The following ACAD10 variants were observed in gnomAD, a reference collection of about 807,000 sequenced individuals.
ACAD10 encodes acyl-CoA dehydrogenase family member 10.
ACAD10 carries 112 observed loss-of-function variants against 116.8 expected under a neutral mutation model. The ratio of observed to expected loss-of-function variants is 0.96; its 90% CI spans 0.82 to 1.12. The LOEUF is 1.12. Among genes scored for constraint, ACAD10 ranks in the 50% most tolerant of loss-of-function variants. ACAD10 has a pLI of 0.00. For missense variants in ACAD10, 1,259 were observed against 1,350.2 expected (o/e 0.93, Z 1.06); for synonymous variants, 486 against 510.6 (o/e 0.95, Z 0.65).
chr12:111,721,013 G>C (rs1272879899), intron 7 of ACAD10, among the ~76,000 whole-genome samples: 1 of 151,922 alleles, frequency 6.6e-6, no homozygotes, highest in Non-Finnish European at 1.5e-5. Context: ...TGAACTCTTA[G>C]GCTCAAGCAG....
intron 8 of ACAD10, among the ~76,000 whole-genome samples, chr12:111,723,296 C>A (rs1230528095): frequency 1.5e-5 from 2 of 136,222 alleles, no homozygotes; most frequent in East Asian, 2.3e-4. Flanking sequence ...ACCTCCCAGA[C>A]GGGGCGGCTG....
Position 111,755,673 on chromosome 12 carries a change from A to T in ACAD10, c.2967A>T (p.Ala989=). The change falls in exon 20 of 21, where the codon GCA becomes GCT. Residue 989 remains alanine (A), a synonymous_variant. Transcript: ENST00000313698. ...HLMDLAGNKA[A]ALDIAMIKMV... ...GCATCTCCTCCTCCTTACAGGCTGC[A>T]GCCTTGGATATAGCCATGATTAAAA... 1 of 1,613,730 alleles carries T rather than the reference A, an allele frequency of 6.2e-7. No individual in the cohort carries two copies. The highest frequency in any genetic ancestry group is 8.5e-7 in the Non-Finnish European group (1 of 1,179,868).
intron 3 of ACAD10, 111 bp from the exon 4 acceptor site, chr12:111,705,627 T>G: frequency 1.0e-6 from 1 of 967,512 alleles, no homozygotes; most frequent in Non-Finnish European, 1.6e-6. Context: ...CCTGGGCTCT[T>G]GTAGCAGAGA....
chr12:111,694,792 G>A (rs767370430), intron 2 of ACAD10, among the ~76,000 whole-genome samples: 15 of 152,192 alleles, frequency 9.9e-5, no homozygotes, highest in African/African-American at 3.4e-4. Context: ...TTAGGAGGCC[G>A]AGGTGGGCAG....
intron 1 of ACAD10, chr12:111,690,417 G>T (rs1204486370): frequency 6.6e-6 from 1 of 151,922 alleles, no homozygotes; most frequent in African/African-American, 2.4e-5. Context: ...CATCGTGTGG[G>T]GGCTCAAAAA....
chr12:111,688,935 G>A (rs780208431), intron 1 of ACAD10, among the ~76,000 whole-genome samples: 21 of 152,316 alleles, frequency 1.4e-4, no homozygotes, highest in Non-Finnish European at 2.5e-4. Flanking sequence ...GCTCACGCCT[G>A]TAATCCCAGC....
chr12:111,715,661 C>T, intron 6 of ACAD10, 160 bp from the exon 7 acceptor site: 2 of 893,778 alleles, frequency 2.2e-6, no homozygotes, highest in Non-Finnish European at 3.4e-6. Flanking sequence ...ACCTGGGACT[C>T]AGTCACTCCT....
At chr12:111,702,735 A>T (rs971292332) in intron 3 of ACAD10, among the ~76,000 whole-genome samples, 1 of 152,140 alleles carries the variant, frequency 6.6e-6, no homozygotes, top group Non-Finnish European at 1.5e-5. Flanking sequence ...GTCTCAAAAA[A>T]AATAATAATA....
chr12:111,703,765 G>A (rs1888417493), intron 3 of ACAD10, among the ~76,000 whole-genome samples: 1 of 151,998 alleles, frequency 6.6e-6, no homozygotes, highest in African/African-American at 2.4e-5. Flanking sequence ...TTGAATCTGG[G>A]GGGCAGAGGT....
At chr12:111,724,082 AGGT>A (rs1462402185) in intron 8 of ACAD10, among the ~76,000 whole-genome samples, 1 of 149,950 alleles carries the variant, frequency 6.7e-6, no homozygotes, top group Non-Finnish European at 1.5e-5. Context: ...GGCCGGGAAG[AGGT>A]GCTCCTCACT....
At position 111,705,906 on chromosome 12, in the gene ACAD10, C is replaced by T. The variant is rs1400761621; in HGVS notation, c.505C>T (p.Pro169Ser). The change falls in exon 4 of 21, where the codon CCC becomes TCC. Residue 169 changes from proline (P) to serine (S), a missense_variant. Transcript: ENST00000313698. The stretch of plus-strand genomic sequence containing the variant: ...TCTTCCCAACCAGAAAAGCTTTTTG[C>T]CCCTGGACCGGAAACAGTTTGATGT... ...FYLPNQKSFL[P>S]LDRKQFDVIV... is the part of the protein sequence containing the mutation. 2.5e-6 allele frequency: 4 copies of T among 1,614,088 alleles called. No individual in the cohort carries two copies. In the East Asian group the frequency reaches 8.9e-5, roughly 36 times the overall value.
At chr12:111,698,323 A>G (rs1163906123) in intron 2 of ACAD10, among the ~76,000 whole-genome samples, 3 of 133,222 alleles carry the variant, frequency 2.3e-5, no homozygotes, top group East Asian at 2.2e-4. Flanking sequence ...TTCAGAGAGC[A>G]TCTTGCTGTA....
chr12:111,726,646 G>A (rs1412894822), intron 8 of ACAD10, among the ~76,000 whole-genome samples: 1 of 151,972 alleles, frequency 6.6e-6, no homozygotes, highest in Non-Finnish European at 1.5e-5. Flanking sequence ...TGGATTACGA[G>A]GTCAGGAGAT....
chr12:111,755,602 G>T, intron 19 of ACAD10, 66 bp from the exon 20 acceptor site: 3 of 1,208,024 alleles, frequency 2.5e-6, no homozygotes, highest in Non-Finnish European at 3.7e-6. Context: ...GGGGGACGGG[G>T]GGGCCTCACT....
chr12:111,721,717 C>G lies in ACAD10; in HGVS notation c.1039C>G (p.Leu347Val). The change falls in exon 8 of 21, where the codon CTT becomes GTT. Residue 347 changes from leucine (L) to valine (V), a missense_variant. Coordinates refer to ENST00000313698, the MANE Select transcript of ACAD10 (RefSeq NM_025247.6). ...ANAGVPVPNVLDLCEDSSVIG... is the reference protein window; with the variant it reads ...ANAGVPVPNVVDLCEDSSVIG... ...TGCTGGAGTACCTGTCCCTAACGTT[C>G]TTGATCTCTGTGAAGATTCAAGGTA... The G allele has an allele frequency of 1.9e-6, 3 of 1,600,956 alleles. No homozygotes were observed. The highest frequency in any genetic ancestry group is 2.6e-6 in the Non-Finnish European group (3 of 1,170,106).
At chr12:111,697,112 A>G (rs1230359877) in intron 2 of ACAD10, among the ~76,000 whole-genome samples, 2 of 150,894 alleles carry the variant, frequency 1.3e-5, no homozygotes, top group Non-Finnish European at 1.5e-5. Context: ...ATGGTAGTCC[A>G]TGCCTGTAAT....
chr12:111,692,289 A>G (rs1190261982), intron 1 of ACAD10, among the ~76,000 whole-genome samples: 2 of 152,168 alleles, frequency 1.3e-5, no homozygotes, highest in Non-Finnish European at 1.5e-5. Context: ...TTTTTAAAGA[A>G]TACTCTGACT....
intron 5 of ACAD10, among the ~76,000 whole-genome samples, chr12:111,711,676 C>A (rs1888690258): frequency 6.6e-6 from 1 of 150,962 alleles, no homozygotes. Context: ...AGGCGCCTGG[C>A]TAATTTTTTG....
chr12:111,756,262 G>C, intron 20 of ACAD10, 71 bp from the exon 21 acceptor site: 1 of 1,500,322 alleles, frequency 6.7e-7, no homozygotes, highest in Non-Finnish European at 8.8e-7. Context: ...TCAAGAGCAG[G>C]CTATCATTCC....
Sources: allele counts gnomAD v4.1 joint callset (sites outside exome capture counted in the v4.1 genomes callset), GRCh38; gene constraint gnomAD v4.1.1; transcripts MANE v1.5; gene names NCBI Gene and HGNC (gene_info 2026-07-23, HGNC 2026-07-21).